Variants in AVPR1B observed in about 807,000 individuals in gnomAD.
The protein encoded by AVPR1B is vasopressin V1b receptor.
A neutral mutation model predicts 27.5 loss-of-function variants in AVPR1B; 25 were observed. That is an observed-to-expected ratio of 0.91 (90% confidence interval 0.66 to 1.27). The LOEUF (loss-of-function observed/expected upper bound fraction) is 1.27, where lower values mean the gene tolerates loss of function less well. AVPR1B is among the 50% of genes most tolerant of loss of function. The pLI, the probability that AVPR1B is intolerant of heterozygous loss-of-function variation, is 0.00. For synonymous variants in AVPR1B, 248 were observed against 240.2 expected, an observed-to-expected ratio of 1.03 and a Z score of -0.30; for missense variants, 595 against 556.9, an observed-to-expected ratio of 1.07 and a Z score of -0.69.
chr1:206,116,541 C>T lies in AVPR1B; in HGVS notation c.350G>A (p.Ser117Asn). The T allele has an allele frequency of 6.2e-7, 1 of 1,614,158 alleles. No homozygotes were observed. The highest frequency in any genetic ancestry group is 8.5e-7 in the Non-Finnish European group (1 of 1,180,024). ...CRAVKYLQVLSMFASTYMLLA... is the reference protein window; with the variant it reads ...CRAVKYLQVLNMFASTYMLLA... ...CAGCATGTAGGTGGAGGCAAACATG[C>T]TGAGCACCTGCAGGTACTTGACGGC... Residue 117 changes from serine to asparagine, a missense_variant, in exon 1 of 2, where the codon AGC (serine) becomes AAC (asparagine). Transcript: ENST00000367126.
intron 1 of AVPR1B, among the ~76,000 whole-genome samples, chr1:206,115,284 A>T (rs1489072648): frequency 6.6e-6 from 1 of 151,974 alleles, no homozygotes; most frequent in Non-Finnish European, 1.5e-5. Context: ...ACTGACGCCG[A>T]TCTCATTTCA....
rs549878420 is a variant in AVPR1B, at chr1:206,112,100, C to T, written c.941-1577G>A. 4.6e-5 allele frequency among the ~76,000 whole-genome samples: 7 copies of T among 151,988 alleles called. No homozygotes were observed. In the East Asian group the frequency reaches 5.8e-4, roughly 13 times the overall value. ...GTCCCAGCTACTTGGGAGGCTGAGGCGGGAGAATCGCTTGAACCCGAGAGG... is the reference window on the plus strand; with the variant it reads ...GTCCCAGCTACTTGGGAGGCTGAGGTGGGAGAATCGCTTGAACCCGAGAGG... On this transcript the variant is annotated intron_variant, in intron 1 of 1. Coordinates refer to ENST00000367126, the MANE Select transcript of AVPR1B (RefSeq NM_000707.5).
At chr1:206,117,365 TGCCTGGTGAGCAGCGGCTGGAGCGCAGCG>T (rs1663498042) in exon 1 of AVPR1B, 1 of 154,010 alleles carries the variant, frequency 6.5e-6, no homozygotes, top group African/African-American at 2.4e-5. Flanking sequence ...CCGCTCGCTC[TGCCTGGTGAGCAGCGGCTGGAGCGCAGCG>T]GCGCGGCTCG....
chr1:206,116,390 A>C lies in AVPR1B; in HGVS notation c.501T>G (p.Pro167=). The change falls in exon 1 of 2, where the codon CCT becomes CCG. Residue 167 remains proline, a synonymous_variant. Transcript: ENST00000367126. ...PWLLAAIFSL[P]QVFIFSLREV... is the part of the protein sequence containing the mutation. ...CCCGCAGGGAAAAAATGAAGACTTG[A>C]GGGAGGCTGAAGATGGCGGCCAGCA... 1 of 1,613,862 alleles carries C rather than the reference A, an allele frequency of 6.2e-7. No individual in the cohort carries two copies. Among genetic ancestry groups the C allele is most frequent in the Non-Finnish European group, 8.5e-7 (1 of 1,180,038 alleles).
In AVPR1B at chr1:206,116,860, G is replaced by T. The variant is rs782601606; in HGVS notation, c.31C>A (p.Pro11Thr). 1 of 1,613,270 alleles carries T rather than the reference G, an allele frequency of 6.2e-7. No individual in the cohort carries two copies. Among genetic ancestry groups the T allele is most frequent in the Admixed American group, 1.7e-5 (1 of 59,914 alleles). Residue 11 changes from proline to threonine, a missense_variant, in exon 1 of 2, where the codon CCC (proline) becomes ACC (threonine). By Grantham distance (38) the Pro-to-Thr change is conservative. Transcript: ENST00000367126. Reference sequence around the variant, plus strand: ...GCAGAGAGGGTGCCCCGAGGGGTGGGGTTGGCATCCCACAGAGGCCCAGAA... The same window carrying T: ...GCAGAGAGGGTGCCCCGAGGGGTGGTGTTGGCATCCCACAGAGGCCCAGAA... MDSGPLWDAN[P>T]TPRGTLSAPN...
intron 1 of AVPR1B, among the ~76,000 whole-genome samples, chr1:206,112,351 A>C (rs1363631411): frequency 6.6e-6 from 1 of 152,188 alleles, no homozygotes; most frequent in Non-Finnish European, 1.5e-5. Context: ...GTTGTTTGAA[A>C]GAGTCTGGGA....
At position 206,117,116 on chromosome 1, in the gene AVPR1B, G is replaced by T; in HGVS notation, c.-226C>A. ...AAATGTGACTGGGATCGACCCAGGAGAGGGAGAAGGAGGGGTCAGGAAGAT... is the reference window on the plus strand; with the variant it reads ...AAATGTGACTGGGATCGACCCAGGATAGGGAGAAGGAGGGGTCAGGAAGAT... On this transcript the variant is annotated 5_prime_UTR_variant, in exon 1 of 2. Transcript: ENST00000367126. The T allele has an allele frequency of 3.5e-6, 2 of 568,870 alleles. No homozygotes were observed. Among genetic ancestry groups the T allele is most frequent in the South Asian group, 4.6e-5 (2 of 43,800 alleles). The allele number at this position is 568,870 out of a possible 1,614,324, so 35.2% of individuals were successfully genotyped here.
intron 1 of AVPR1B, among the ~76,000 whole-genome samples, chr1:206,114,454 C>CAGCT (rs1257550086): frequency 5.3e-5 from 8 of 152,162 alleles, no homozygotes; most frequent in African/African-American, 1.9e-4. Context: ...GGAGCAGGAG[C>CAGCT]AGCTGTTCTG....
chr1:206,112,502 A>G (rs1001252337), intron 1 of AVPR1B, among the ~76,000 whole-genome samples: 1 of 152,020 alleles, frequency 6.6e-6, no homozygotes, highest in Non-Finnish European at 1.5e-5. Context: ...TTTCTTTTTG[A>G]GACAGGGTCT....
At chr1:206,115,330 T>C (rs1663445795) in intron 1 of AVPR1B, among the ~76,000 whole-genome samples, 2 of 152,220 alleles carry the variant, frequency 1.3e-5, no homozygotes, top group African/African-American at 4.8e-5. Flanking sequence ...CCGAGAGTGT[T>C]ACTGTGCTTA....
In AVPR1B at chr1:206,109,325, G is replaced by T. The variant is rs1663330973; in HGVS notation, c.*864C>A. ...CCTCTGTGTAGCCCCCGGGGAAAGA[G>T]CAGGCTGGATTCCCTGGGGGGTGGG... On this transcript the variant is annotated 3_prime_UTR_variant, in exon 2 of 2. Transcript: ENST00000367126. 6.6e-6 allele frequency among the ~76,000 whole-genome samples: 1 copy of T among 152,110 alleles called. No homozygotes were observed. The highest frequency in any genetic ancestry group is 2.1e-4 in the South Asian group (1 of 4,814).
chr1:206,115,991 G>A lies in AVPR1B; in HGVS notation c.900C>T (p.Val300=), dbSNP rs894913338. Residue 300 remains valine, a synonymous_variant, in exon 1 of 2, where the codon GTC becomes GTT. Transcript: ENST00000367126. ...YIACWAPFFS[V]QMWSVWDKNA... ...TCTTGTCCCACACGGACCACATCTG[G>A]ACACTGAAGAAGGGAGCCCAGCAAG... The A allele has an allele frequency of 9.3e-6, 15 of 1,613,182 alleles. No homozygotes were observed. Among genetic ancestry groups the A allele is most frequent in the African/African-American group, 1.3e-5 (1 of 74,892 alleles).
Position 206,110,340 on chromosome 1 carries a change from C to G in AVPR1B, c.1124G>C (p.Arg375Pro), listed in dbSNP as rs200584574. ...GGAGCGGGTCAGCAGCGTGGTGTGG[C>G]GGCTCGAGAGGCTGCCGTCGGAGAG... ...RRLSDGSLSS[R>P]HTTLLTRSSC... is the part of the protein sequence containing the mutation. Residue 375 changes from arginine to proline, a missense_variant, in exon 2 of 2, where the codon CGC (arginine) becomes CCC (proline). Coordinates refer to ENST00000367126, the MANE Select transcript of AVPR1B (RefSeq NM_000707.5). 1.9e-6 allele frequency: 3 copies of G among 1,610,862 alleles called. No homozygotes were observed. Among genetic ancestry groups the G allele is most frequent in the Admixed American group, 3.4e-5 (2 of 59,666 alleles).
intron 1 of AVPR1B, 73 bp downstream of exon 1, chr1:206,115,878 T>C: frequency 1.4e-6 from 2 of 1,467,404 alleles, no homozygotes; most frequent in South Asian, 1.4e-5. Flanking sequence ...GGAGGCATTG[T>C]AACCCTGACC....
chr1:206,111,012 C>T (rs1050175279), intron 1 of AVPR1B, among the ~76,000 whole-genome samples: 5 of 152,222 alleles, frequency 3.3e-5, no homozygotes, highest in Non-Finnish European at 7.3e-5. Context: ...TGGACTCTGT[C>T]TCCTTCTATC....
At chr1:206,111,911 CG>C (rs1553289881) in intron 1 of AVPR1B, among the ~76,000 whole-genome samples, 2 of 152,118 alleles carry the variant, frequency 1.3e-5, no homozygotes, top group African/African-American at 4.8e-5. Flanking sequence ...GTTTGGATGT[CG>C]GCTGGGCGCA....
At chr1:206,112,591 T>G (rs1663398143) in intron 1 of AVPR1B, among the ~76,000 whole-genome samples, 1 of 152,174 alleles carries the variant, frequency 6.6e-6, no homozygotes, top group African/African-American at 2.4e-5. Flanking sequence ...AAGCAATGCT[T>G]CTACTTCAGC....
At position 206,108,416 on chromosome 1, in the gene AVPR1B, T is replaced by A. The variant is rs1170102718; in HGVS notation, c.*1773A>T. On this transcript the variant is annotated 3_prime_UTR_variant, in exon 2 of 2. Coordinates refer to ENST00000367126, the MANE Select transcript of AVPR1B (RefSeq NM_000707.5). ...AAGGCTCTTTTCTTTTTAGAAAGCCTCAGGAGGCTTCTTAGAGCTGAGTGG... is the reference window on the plus strand; with the variant it reads ...AAGGCTCTTTTCTTTTTAGAAAGCCACAGGAGGCTTCTTAGAGCTGAGTGG... 6.6e-6 allele frequency among the ~76,000 whole-genome samples: 1 copy of A among 152,166 alleles called. No homozygotes were observed. The highest frequency in any genetic ancestry group is 1.9e-4 in the East Asian group (1 of 5,186).
Position 206,116,982 on chromosome 1 carries a change from A to T in AVPR1B, c.-92T>A, listed in dbSNP as rs1275806708. ...TAAAATGGAGTGGCAGGGGAGGTGG[A>T]GAGAAAGGAGAAGCGTTGAGAATGA... On this transcript the variant is annotated 5_prime_UTR_variant, in exon 1 of 2. Transcript: ENST00000367126. 1 of 1,193,404 alleles carries T rather than the reference A, an allele frequency of 8.4e-7. No homozygotes were observed. The highest frequency in any genetic ancestry group is 2.4e-5 in the East Asian group (1 of 42,472). 73.9% of individuals were successfully genotyped at this position (1,193,404 alleles called of 1,614,324 possible).
Sources: gnomAD v4.1 joint callset for allele counts (sites outside exome capture counted in the v4.1 genomes callset) on GRCh38, gnomAD v4.1.1 for gene constraint, MANE v1.5 for transcripts, NCBI Gene and HGNC (gene_info 2026-07-23, HGNC 2026-07-21) for gene names.